The following ENDOV variants were observed in gnomAD, a reference collection of about 807,000 sequenced individuals.
ENDOV encodes endonuclease V, also known as hEndoV.
Under a neutral mutation model 39.4 loss-of-function variants are expected in ENDOV, and 37 were observed. That is an observed-to-expected ratio of 0.94 (90% CI 0.72 to 1.23). The LOEUF is 1.23. Among genes scored for constraint, ENDOV ranks in the 50% most tolerant of loss-of-function variants. ENDOV has a pLI of 0.00. For synonymous variants in ENDOV, 186 were observed against 163.4 expected (o/e 1.14, Z -1.05); for missense variants, 441 against 375.7 (o/e 1.17, Z -1.44).
intron 9 of ENDOV, among the ~76,000 whole-genome samples, chr17:80,435,837 C>T (rs1211958357): frequency 7.3e-5 from 11 of 151,250 alleles, no homozygotes; most frequent in Non-Finnish European, 1.3e-4. Context: ...AGGATGGTCT[C>T]GATCTCCTGA....
intron 9 of ENDOV, among the ~76,000 whole-genome samples, chr17:80,433,532 C>T (rs1223845913): frequency 6.6e-6 from 1 of 152,254 alleles, no homozygotes; most frequent in African/African-American, 2.4e-5. Flanking sequence ...CCCCCTTCCT[C>T]TGGAGCCAGA....
chr17:80,422,010 G>T (rs755789163), intron 3 of ENDOV, 48 bp downstream of exon 3: 39 of 1,596,664 alleles, frequency 2.4e-5, no homozygotes, highest in Non-Finnish European at 3.1e-5. Context: ...CCTTCCCCCT[G>T]GGGGAGGGAA....
rs1338865471 is a variant in ENDOV at position 80,437,194 on chromosome 17, GGGGACCAGGAGT to G, written c.*1053_*1064del. 2 of 152,688 alleles carry G rather than the reference GGGGACCAGGAGT, an allele frequency of 1.3e-5. No individual in the cohort carries two copies. Among genetic ancestry groups the G allele is most frequent in the Admixed American group, 1.3e-4 (2 of 15,282 alleles). 9.5% of individuals were successfully genotyped at this position (152,688 alleles called of 1,614,324 possible). A position where few individuals can be genotyped will look rare whatever the true frequency, so the allele number is the denominator to read the frequency against. On this transcript the variant is annotated 3_prime_UTR_variant, in exon 10 of 10. Transcript: ENST00000518137. ...GCTGAGCAGTGATCTGGCTGGGAAA[GGGGACCAGGAGT>G]GCAGGGCACCTGCTGAGGACTCACC... is the stretch of plus-strand genomic sequence containing the variant.
intron 9 of ENDOV, chr17:80,430,368 T>C: frequency 6.6e-7 from 1 of 1,511,696 alleles, no homozygotes; most frequent in Non-Finnish European, 8.8e-7. Context: ...CATTTTTTAT[T>C]TCACATATTT....
At chr17:80,436,092 A>C (rs2083577672) in intron 9 of ENDOV, 41 bp from the exon 10 acceptor site, 3 of 1,603,930 alleles carry the variant, frequency 1.9e-6, no homozygotes, top group Non-Finnish European at 2.5e-6. Flanking sequence ...AACGCCTTTT[A>C]TTTCTTTTTC....
chr17:80,423,677 G>T (rs768688806), intron 5 of ENDOV, 45 bp downstream of exon 5: 10 of 1,527,692 alleles, frequency 6.5e-6, no homozygotes, highest in South Asian at 6.0e-5. Flanking sequence ...GCTCAGTGGC[G>T]GGGCTGTGGT....
intron 7 of ENDOV, among the ~76,000 whole-genome samples, chr17:80,428,008 A>AC (rs1306110855): frequency 4.0e-5 from 6 of 151,682 alleles, no homozygotes; most frequent in Admixed American, 6.6e-5. Flanking sequence ...CCAGGGCCAG[A>AC]CCCCCCATGC....
chr17:80,434,634 T>C (rs2083500333), intron 9 of ENDOV, among the ~76,000 whole-genome samples: 1 of 152,196 alleles, frequency 6.6e-6, no homozygotes, highest in Non-Finnish European at 1.5e-5. Flanking sequence ...ATTCTAGCCA[T>C]TCCTTGGAGT....
chr17:80,429,905 G>C, intron 9 of ENDOV, 74 bp downstream of exon 9: 1 of 1,610,688 alleles, frequency 6.2e-7, no homozygotes, highest in Non-Finnish European at 8.5e-7. Flanking sequence ...AGGAGCAGGC[G>C]GGCAAGGACT....
Position 80,436,248 on chromosome 17 carries a change from A to T in ENDOV, c.*105A>T. On this transcript the variant is annotated 3_prime_UTR_variant, in exon 10 of 10. Coordinates refer to ENST00000518137, the MANE Select transcript of ENDOV (RefSeq NM_173627.5). ...TGATCGAACGCGGTGGTGAGAGCAC[A>T]CATCCTCGTCTCGTTCCTGATCGAA... The T allele has an allele frequency of 9.9e-7, 1 of 1,012,210 alleles. No individual in the cohort carries two copies. The allele number at this position is 1,012,210 out of a possible 1,614,324, so 62.7% of individuals were successfully genotyped here.
chr17:80,419,582 T>C, intron 2 of ENDOV: 1 of 702,864 alleles, frequency 1.4e-6, no homozygotes, highest in Non-Finnish European at 2.6e-6. Flanking sequence ...CTCCCATCGA[T>C]CAGTTCTGCC....
At chr17:80,423,715 C>T in intron 5 of ENDOV, 83 bp downstream of exon 5, 2 of 1,280,822 alleles carry the variant, frequency 1.6e-6, no homozygotes, top group East Asian at 5.1e-5. Context: ...CACTTCTGGA[C>T]CAGCCCTTGC....
At chr17:80,435,160 T>C (rs1163180449) in intron 9 of ENDOV, among the ~76,000 whole-genome samples, 1 of 152,216 alleles carries the variant, frequency 6.6e-6, no homozygotes, top group Non-Finnish European at 1.5e-5. Context: ...TTCTTTAGTT[T>C]ACAAATATTT....
At chr17:80,434,569 A>C (rs954964982) in intron 9 of ENDOV, among the ~76,000 whole-genome samples, 3 of 152,182 alleles carry the variant, frequency 2.0e-5, no homozygotes, top group Non-Finnish European at 2.9e-5. Context: ...AGCAATGCCC[A>C]AGGGTTCCAG....
At chr17:80,428,077 G>GC (rs1323369579) in intron 7 of ENDOV, among the ~76,000 whole-genome samples, 1 of 152,240 alleles carries the variant, frequency 6.6e-6, no homozygotes, top group Non-Finnish European at 1.5e-5. Context: ...GCTAGGGTCT[G>GC]CCCCCATCCC....
chr17:80,424,640 C>T (rs1410369256), intron 5 of ENDOV, among the ~76,000 whole-genome samples: 1 of 152,172 alleles, frequency 6.6e-6, no homozygotes, highest in African/African-American at 2.4e-5. Context: ...CCTTTCCTGG[C>T]CCAGTGACTG....
chr17:80,415,677 C>A lies in ENDOV; in HGVS notation c.84C>A (p.Val28=). ...AGCAAGCTCGGCTGAAGGCCCACGTCGTAGACCGGGACACCGAGGCGTGGC... is the reference window on the plus strand; with the variant it reads ...AGCAAGCTCGGCTGAAGGCCCACGTAGTAGACCGGGACACCGAGGCGTGGC... ...KREQARLKAH[V]VDRDTEAWQR... is the part of the protein sequence containing the mutation. Residue 28 remains valine, a synonymous_variant, in exon 2 of 10, where the codon GTC becomes GTA. Coordinates refer to ENST00000518137, the MANE Select transcript of ENDOV (RefSeq NM_173627.5). 1 of 1,612,558 alleles carries A rather than the reference C, an allele frequency of 6.2e-7. No individual in the cohort carries two copies. The highest frequency in any genetic ancestry group is 8.5e-7 in the Non-Finnish European group (1 of 1,179,384).
chr17:80,433,236 CAG>C (rs1555699854), intron 9 of ENDOV: 1 of 519,876 alleles, frequency 1.9e-6, no homozygotes, highest in Non-Finnish European at 3.8e-6. Flanking sequence ...ACGCATCCCA[CAG>C]GGGTCAGTAC....
At chr17:80,422,295 G>C (rs567611139) in intron 4 of ENDOV, 50 bp downstream of exon 4, 44 of 1,600,326 alleles carry the variant, frequency 2.7e-5, no homozygotes, top group Non-Finnish European at 3.2e-5. Flanking sequence ...GAAGAGCGGG[G>C]GGAGAGGGCA....
Sources: gnomAD v4.1 joint callset for allele counts (sites outside exome capture counted in the v4.1 genomes callset) on GRCh38, gnomAD v4.1.1 for gene constraint, MANE v1.5 for transcripts, NCBI Gene and HGNC (gene_info 2026-07-23, HGNC 2026-07-21) for gene names.